The following HDGFL2 variants were observed in gnomAD, a reference collection of about 807,000 sequenced individuals.
HDGFL2 encodes the protein HDGF like 2, also known as hepatoma-derived growth factor-related protein 2.
HDGFL2 carries 36 observed loss-of-function variants against 77.1 expected under a neutral mutation model. That is an observed-to-expected ratio of 0.47 (90% confidence interval 0.36 to 0.62). The LOEUF (loss-of-function observed/expected upper bound fraction) is 0.62. HDGFL2 is among the 20% of genes least tolerant of loss of function. The pLI is 0.00. For synonymous variants in HDGFL2, 463 were observed against 413.1 expected (o/e 1.12, Z -1.46); for missense variants, 976 against 973.4 (o/e 1.00, Z -0.04).
intron 1 of HDGFL2, among the ~76,000 whole-genome samples, chr19:4,473,772 C>G (rs1975003503): frequency 6.6e-6 from 1 of 151,638 alleles, no homozygotes; most frequent in Non-Finnish European, 1.5e-5. Flanking sequence ...AAGTTGGCAT[C>G]GGGACTGTTG....
chr19:4,491,910 C>G, intron 6 of HDGFL2, 75 bp downstream of exon 6: 2 of 1,348,914 alleles, frequency 1.5e-6, no homozygotes, highest in Non-Finnish European at 2.1e-6. Flanking sequence ...GTCCCCAGGG[C>G]AGGGCGGGCC....
chr19:4,493,616 G>A (rs1599718408), intron 6 of HDGFL2, 87 bp from the exon 7 acceptor site: 2 of 1,298,804 alleles, frequency 1.5e-6, no homozygotes, highest in South Asian at 2.6e-5. Context: ...GGCGGCTGCA[G>A]GGGTGCGGGA....
chr19:4,494,253 G>C lies in HDGFL2; in HGVS notation c.1002G>C (p.Glu334Asp). The part of the protein sequence containing the change: ...RRELEARRRR[E>D]QEEELRRLRE... The stretch of plus-strand genomic sequence containing the variant: ...AGCTGGAGGCCCGGCGGCGGCGAGA[G>C]CAGGAGGAGGAGCTGCGGCGCCTGC... Residue 334 changes from glutamate to aspartate, a missense_variant, in exon 9 of 16, where the codon GAG becomes GAC. By Grantham distance (45) the Glu-to-Asp change is conservative. Around this residue, in one of 5 missense-constraint regions of HDGFL2, gnomAD observed 567 missense variants for 534.7 expected, o/e 1.06. Transcript: ENST00000616600. 6.8e-7 allele frequency: 1 copy of C among 1,460,898 alleles called. No individual in the cohort carries two copies. The highest frequency in any genetic ancestry group is 9.0e-7 in the Non-Finnish European group (1 of 1,110,508). 90.5% of individuals were successfully genotyped at this position (1,460,898 alleles called of 1,614,324 possible). A position where few individuals can be genotyped will look rare whatever the true frequency, so the allele number is the denominator to read the frequency against.
chr19:4,475,626 A>G (rs1403474745), intron 3 of HDGFL2, 43 bp downstream of exon 3: 1 of 1,531,632 alleles, frequency 6.5e-7, no homozygotes, highest in African/African-American at 1.4e-5. Context: ...CGCGCTACTG[A>G]TGCAAGAAGG....
At position 4,498,000 on chromosome 19, in the gene HDGFL2, C is replaced by G. The variant is rs192383970; in HGVS notation, c.1371C>G (p.Phe457Leu). 2.6e-6 allele frequency: 4 copies of G among 1,556,700 alleles called. No homozygotes were observed. Among genetic ancestry groups the G allele is most frequent in the Non-Finnish European group, 2.6e-6 (3 of 1,149,822 alleles). The change falls in exon 11 of 16, where the codon TTC becomes TTG. Residue 457 changes from phenylalanine to leucine, a missense_variant. Transcript: ENST00000616600. ...GGACCCGGAAGCGGTCCGAGGGCTTCTCGATGGACAGGAAGGTAGAGAAGA... is the reference window on the plus strand; with the variant it reads ...GGACCCGGAAGCGGTCCGAGGGCTTGTCGATGGACAGGAAGGTAGAGAAGA... ...VERTRKRSEG[F>L]SMDRKVEKKK...
At chr19:4,479,807 G>T (rs1975168027) in intron 3 of HDGFL2, among the ~76,000 whole-genome samples, 2 of 150,946 alleles carry the variant, frequency 1.3e-5, no homozygotes, top group Non-Finnish European at 2.9e-5. Context: ...TCTACAGGCT[G>T]AGGCCGGGGA....
intron 3 of HDGFL2, chr19:4,486,314 C>T (rs138133298): frequency 1.3e-5 from 2 of 152,110 alleles, no homozygotes; most frequent in East Asian, 1.9e-4. Flanking sequence ...TTAGCTGTTT[C>T]TATCCCCAGT....
chr19:4,478,688 G>GT (rs112421877), intron 3 of HDGFL2, among the ~76,000 whole-genome samples: 5,658 of 143,010 alleles, frequency 0.04, 309 homozygotes, highest in African/African-American at 0.13. Flanking sequence ...TGGTTGGTTG[G>GT]TTTTTTTTTT....
chr19:4,478,244 C>G (rs1409723567), intron 3 of HDGFL2, among the ~76,000 whole-genome samples: 1 of 150,556 alleles, frequency 6.6e-6, no homozygotes, highest in Non-Finnish European at 1.5e-5. Context: ...GCTCTGTCGC[C>G]CAGGCTGGAG....
At chr19:4,487,894 C>G (rs1975403041) in intron 3 of HDGFL2, among the ~76,000 whole-genome samples, 1 of 151,558 alleles carries the variant, frequency 6.6e-6, no homozygotes, top group Non-Finnish European at 1.5e-5. Context: ...GGTAGAAGCC[C>G]AGAGGTCTTG....
chr19:4,494,520 T>C, intron 9 of HDGFL2, 45 bp downstream of exon 9: 1 of 1,285,522 alleles, frequency 7.8e-7, no homozygotes, highest in Non-Finnish European at 1.0e-6. Flanking sequence ...ACTCCACACG[T>C]TTATGGAGCA....
chr19:4,473,390 C>T (rs1015240050), intron 1 of HDGFL2, among the ~76,000 whole-genome samples: 45 of 151,708 alleles, frequency 3.0e-4, no homozygotes, highest in East Asian at 2.0e-4. Context: ...GTCCAGGGTG[C>T]CTCAGGGAGC....
At chr19:4,488,436 A>C (rs1405803782) in intron 3 of HDGFL2, among the ~76,000 whole-genome samples, 1 of 152,194 alleles carries the variant, frequency 6.6e-6, no homozygotes, top group Admixed American at 6.5e-5. Flanking sequence ...CATTTGCCCC[A>C]GGTTTAACCC....
chr19:4,502,189 T>G lies in HDGFL2; in HGVS notation c.*179T>G, dbSNP rs8887. The stretch of plus-strand genomic sequence containing the variant: ...CCAACCAACATGAAATGACTATAAA[T>G]GGTTTTTTAATGAAAAAAGAAATCA... On this transcript the variant is annotated 3_prime_UTR_variant, in exon 16 of 16. Transcript: ENST00000616600. 2.5e-5 allele frequency: 17 copies of G among 678,536 alleles called. No homozygotes were observed. In the African/African-American group the frequency reaches 2.9e-4, roughly 12 times the overall value. The allele number at this position is 678,536 out of a possible 1,614,324, so 42.0% of individuals were successfully genotyped here. A position where few individuals can be genotyped will look rare whatever the true frequency, so the allele number is the denominator to read the frequency against.
chr19:4,474,955 G>A, intron 1 of HDGFL2: 1 of 281,262 alleles, frequency 3.6e-6, no homozygotes, highest in Non-Finnish European at 6.8e-6. Flanking sequence ...CCCAGGAAAG[G>A]TCCTGGGAGT....
intron 10 of HDGFL2, chr19:4,497,212 GAC>G (rs1292899306): frequency 2.3e-6 from 1 of 430,354 alleles, no homozygotes; most frequent in Non-Finnish European, 4.6e-6. Flanking sequence ...TTTTTTTTGA[GAC>G]AGAGTCTTGG....
At chr19:4,491,135 G>A (rs1370021083) in intron 4 of HDGFL2, among the ~76,000 whole-genome samples, 2 of 151,646 alleles carry the variant, frequency 1.3e-5, no homozygotes, top group East Asian at 3.9e-4. Flanking sequence ...TAAGTGCCCC[G>A]TTCAGCAGCA....
In HDGFL2 at chr19:4,501,962, G is replaced by A; in HGVS notation, c.1968G>A (p.Glu656=). 1 of 1,506,110 alleles carries A rather than the reference G, an allele frequency of 6.6e-7. No individual in the cohort carries two copies. Among genetic ancestry groups the A allele is most frequent in the Non-Finnish European group, 8.8e-7 (1 of 1,133,700 alleles). The allele number at this position is 1,506,110 out of a possible 1,614,324, so 93.3% of individuals were successfully genotyped here. ...DLDRPGSDRQ[E]RERARGDSEA... is the part of the protein sequence containing the mutation. ...ACAGGCCTGGGAGCGACCGGCAGGA[G>A]CGCGAGAGGGCACGGGGGGACTCGG... The change falls in exon 16 of 16, where the codon GAG becomes GAA. Residue 656 remains glutamate (E), a synonymous_variant. Coordinates refer to ENST00000616600, the MANE Select transcript of HDGFL2 (RefSeq NM_001001520.3).
rs1444055850 is a variant in HDGFL2, at chr19:4,494,110, C to G, written c.914+53C>G. 2.6e-5 allele frequency: 39 copies of G among 1,515,978 alleles called. No homozygotes were observed. The Admixed American group carries it at 8.4e-4, about 33-fold the overall frequency. 93.9% of individuals were successfully genotyped at this position (1,515,978 alleles called of 1,614,324 possible). On this transcript the variant is annotated intron_variant, in intron 8 of 15. Coordinates refer to ENST00000616600, the MANE Select transcript of HDGFL2 (RefSeq NM_001001520.3). ...GGCGGCTCCTCCATCGGCTGAGGGG[C>G]AGGGCGGGCTCCTGAGGGAGGAACG...
Sources: allele counts gnomAD v4.1 joint callset (sites outside exome capture counted in the v4.1 genomes callset), GRCh38; gene constraint gnomAD v4.1.1; regional missense constraint gnomAD v4.1.1; transcripts MANE v1.5; gene names NCBI Gene and HGNC (gene_info 2026-07-23, HGNC 2026-07-21).